The following DNAH3 variants were observed in gnomAD, a reference collection of about 807,000 sequenced individuals.
DNAH3 encodes the protein dynein axonemal heavy chain 3.
Under a neutral mutation model 432.5 loss-of-function variants are expected in DNAH3, and 332 were observed. That is an observed-to-expected ratio of 0.77 (90% confidence interval 0.70 to 0.84). DNAH3 has a LOEUF of 0.84. Ranked by LOEUF, DNAH3 falls within the 40% of genes least tolerant of loss-of-function variation. The pLI, the probability that DNAH3 is intolerant of heterozygous loss-of-function variation, is 0.00. For synonymous variants in DNAH3, 1,956 were observed against 1,900.2 expected, an observed-to-expected ratio of 1.03 and a Z score of -0.76; for missense variants, 4,861 against 5,114.0, an observed-to-expected ratio of 0.95 and a Z score of 1.51.
intron 49 of DNAH3, among the ~76,000 whole-genome samples, chr16:20,980,163 A>G (rs1014699945): frequency 3.9e-4 from 26 of 66,842 alleles, no homozygotes; most frequent in Non-Finnish European, 6.9e-4. Flanking sequence ...GACTTTGTAG[A>G]AAAAAAAATA....
Position 21,125,174 on chromosome 16 carries a change from CT to C in DNAH3, c.1404del (p.Asp469MetfsTer12), listed in dbSNP as rs1410616085. ...GGTCCAAATGCAGGTCCCTGACTTA[CT>C]TTGTGTATCATGAAAAGGGAAACGA... On this transcript the variant is annotated frameshift_variant and splice_region_variant, in exon 9 of 62. Transcript: ENST00000261383. LOFTEE classifies it high-confidence loss of function. 6.3e-7 allele frequency: 1 copy of C among 1,597,562 alleles called. No homozygotes were observed. Among genetic ancestry groups the C allele is most frequent in the Non-Finnish European group, 8.5e-7 (1 of 1,170,464 alleles).
chr16:21,033,994 G>A (rs1480233737), exon 36 of DNAH3: 1 of 1,613,608 alleles, frequency 6.2e-7, no homozygotes, highest in Non-Finnish European at 8.5e-7. Flanking sequence ...ATCGCCGAGA[G>A]CTGCAGCCAA....
intron 15 of DNAH3, among the ~76,000 whole-genome samples, chr16:21,106,043 G>A (rs1350652693): frequency 1.3e-5 from 2 of 151,952 alleles, no homozygotes; most frequent in African/African-American, 2.4e-5. Flanking sequence ...AGCTGGGCAT[G>A]GTGGCACGTG....
chr16:21,085,997 ATCC>A (rs1236268107), intron 19 of DNAH3, among the ~76,000 whole-genome samples: 1 of 152,106 alleles, frequency 6.6e-6, no homozygotes, highest in Non-Finnish European at 1.5e-5. Flanking sequence ...GGCTCAAACT[ATCC>A]TCCTGCCTCA....
chr16:20,958,205 T>G (rs2084662350), intron 54 of DNAH3, among the ~76,000 whole-genome samples: 1 of 151,884 alleles, frequency 6.6e-6, no homozygotes, highest in South Asian at 2.1e-4. Flanking sequence ...CCCAAGTTGC[T>G]GGGACTACAA....
intron 20 of DNAH3, among the ~76,000 whole-genome samples, chr16:21,076,471 G>A (rs550420666): frequency 6.6e-6 from 1 of 152,246 alleles, no homozygotes; most frequent in South Asian, 2.1e-4. Flanking sequence ...CAAAAATTAT[G>A]AGAGGTCATT....
rs747569392 is a variant in DNAH3 at position 20,954,069 on chromosome 16, AC to A, written c.11071+743del. On this transcript the variant is annotated intron_variant, in intron 55 of 61. Transcript: ENST00000261383. ...GTGAAACCCCATCTCTACTAAAAAT[AC>A]AAAAATTAACCGGGTGTGGTGGCAT... Among the ~76,000 whole-genome samples, 33 of 151,862 alleles carry A rather than the reference AC, an allele frequency of 2.2e-4. No individual in the cohort carries two copies. In the South Asian group the frequency reaches 6.7e-3, roughly 31 times the overall value.
intron 53 of DNAH3, among the ~76,000 whole-genome samples, chr16:20,960,980 CA>C (rs1304329824): frequency 6.6e-6 from 1 of 152,042 alleles, no homozygotes; most frequent in Non-Finnish European, 1.5e-5. Context: ...TTTGCACATG[CA>C]AAGTTGTTCT....
intron 54 of DNAH3, among the ~76,000 whole-genome samples, chr16:20,958,930 G>A (rs1049740351): frequency 1.3e-5 from 2 of 152,108 alleles, no homozygotes; most frequent in East Asian, 3.9e-4. Context: ...ACTATGCCTG[G>A]CTAATTTTTG....
At chr16:20,955,092 T>C (rs766461406) in intron 54 of DNAH3, 35 bp from the exon 55 acceptor site, 6 of 1,540,948 alleles carry the variant, frequency 3.9e-6, no homozygotes. Context: ...TTTAGAGCAA[T>C]ACAATAAGTT....
At chr16:21,059,160 C>T (rs113993368) in intron 26 of DNAH3, among the ~76,000 whole-genome samples, 4 of 152,162 alleles carry the variant, frequency 2.6e-5, no homozygotes, top group African/African-American at 9.6e-5. Flanking sequence ...TAAATATATG[C>T]AATAAAATTT....
chr16:21,072,233 A>AT (rs71379604), intron 21 of DNAH3, among the ~76,000 whole-genome samples: 33,146 of 151,220 alleles, frequency 0.22, 3,812 homozygotes, highest in East Asian at 0.43. Flanking sequence ...TAATTAATTA[A>AT]TTAATTAATT....
rs897345895 is a variant in DNAH3, at chr16:21,119,576, G to A, written c.1699+1164C>T. On this transcript the variant is annotated intron_variant, in intron 11 of 61. Coordinates refer to ENST00000261383, the Ensembl canonical transcript of DNAH3. ...GCCTGGGAGGTAGAGGTTGCCTCCCGGGCTCAAGCAGAAAAAAAAAAATTC... is the reference window on the plus strand; with the variant it reads ...GCCTGGGAGGTAGAGGTTGCCTCCCAGGCTCAAGCAGAAAAAAAAAAATTC... Among the ~76,000 whole-genome samples, 12 of 151,712 alleles carry A rather than the reference G, an allele frequency of 7.9e-5. 1 individual carries two copies. In the South Asian group the frequency reaches 1.9e-3, roughly 24 times the overall value.
chr16:20,938,208 A>G (rs2083666586), intron 59 of DNAH3, among the ~76,000 whole-genome samples: 1 of 152,140 alleles, frequency 6.6e-6, no homozygotes, highest in Non-Finnish European at 1.5e-5. Flanking sequence ...CCTGGCCAAC[A>G]TGGTTAAACC....
At chr16:21,141,351 G>C (rs1183759793) in exon 4 of DNAH3, 1 of 1,590,386 alleles carries the variant, frequency 6.3e-7, no homozygotes. Context: ...TTTCCTCATG[G>C]GCTCTGATGA....
chr16:20,940,032 T>C (rs1406558435), intron 59 of DNAH3, among the ~76,000 whole-genome samples: 1 of 152,220 alleles, frequency 6.6e-6, no homozygotes, highest in African/African-American at 2.4e-5. Context: ...CAGCCTATAA[T>C]ACCCCTAACT....
intron 37 of DNAH3, among the ~76,000 whole-genome samples, chr16:21,030,008 T>G (rs2088792421): frequency 6.6e-6 from 1 of 152,076 alleles, no homozygotes; most frequent in African/African-American, 2.4e-5. Flanking sequence ...AATTTTTTTT[T>G]TGTAGAGATG....
chr16:21,038,491 T>G (rs1320808138), intron 33 of DNAH3, among the ~76,000 whole-genome samples: 4 of 152,112 alleles, frequency 2.6e-5, no homozygotes, highest in African/African-American at 9.7e-5. Context: ...ACACTCCACT[T>G]TGGATTTTCA....
At chr16:20,941,283 C>G (rs2083798170) in intron 59 of DNAH3, 118 bp downstream of exon 59, 3 of 1,246,232 alleles carry the variant, frequency 2.4e-6, no homozygotes, top group Non-Finnish European at 1.1e-6. Flanking sequence ...ATTCACACCC[C>G]TAATACGGGT....
Sources: gnomAD v4.1 joint callset for allele counts (sites outside exome capture counted in the v4.1 genomes callset) on GRCh38, gnomAD v4.1.1 for gene constraint, MANE v1.5 for transcripts, NCBI Gene and HGNC (gene_info 2026-07-23, HGNC 2026-07-21) for gene names.